KCNIP4: variants seen among roughly 807,000 people sequenced by gnomAD.
KCNIP4 encodes the protein potassium voltage-gated channel interacting protein 4, also known as Kv channel-interacting protein 4.
KCNIP4 carries 12 observed loss-of-function variants against 34.0 expected under a neutral mutation model. The observed-to-expected ratio is 0.35, with a 90% CI of 0.23 to 0.57. The LOEUF (loss-of-function observed/expected upper bound fraction) is 0.57. KCNIP4 is among the 20% of genes least tolerant of loss of function. The pLI is 0.83. For missense variants in KCNIP4, 238 were observed against 311.7 expected, an observed-to-expected ratio of 0.76 and a Z score of 1.78; for synonymous variants, 124 against 102.2, an observed-to-expected ratio of 1.21 and a Z score of -1.29.
chr4:21,009,244 A>G (rs957479646), intron 1 of KCNIP4, among the ~76,000 whole-genome samples: 2 of 152,224 alleles, frequency 1.3e-5, no homozygotes, highest in Non-Finnish European at 2.9e-5. Flanking sequence ...TGTTCTGGGA[A>G]TAGCAAAAGG....
intron 3 of KCNIP4, among the ~76,000 whole-genome samples, chr4:20,792,112 G>A (rs576011583): frequency 2.0e-5 from 3 of 152,288 alleles, no homozygotes; most frequent in South Asian, 4.2e-4. Context: ...AATGGCTCAC[G>A]CCTATAATCC....
intron 1 of KCNIP4, among the ~76,000 whole-genome samples, chr4:21,352,569 G>C (rs1718121935): frequency 1.3e-5 from 2 of 152,222 alleles, no homozygotes; most frequent in Non-Finnish European, 2.9e-5. Flanking sequence ...CAGCCTGGCA[G>C]GGGGAGGGAT....
At chr4:21,262,437 C>T (rs910067890) in intron 1 of KCNIP4, among the ~76,000 whole-genome samples, 2 of 152,140 alleles carry the variant, frequency 1.3e-5, no homozygotes, top group Non-Finnish European at 2.9e-5. Context: ...ATTTGTATCC[C>T]GCTTCACCCC....
At chr4:20,769,355 G>A (rs1755676429) in intron 3 of KCNIP4, among the ~76,000 whole-genome samples, 1 of 152,092 alleles carries the variant, frequency 6.6e-6, no homozygotes, top group Non-Finnish European at 1.5e-5. Flanking sequence ...CTGGGATTGG[G>A]CCCAATTCCT....
chr4:21,518,700 C>G (rs1560478464), intron 1 of KCNIP4, among the ~76,000 whole-genome samples: 1 of 152,064 alleles, frequency 6.6e-6, no homozygotes, highest in Non-Finnish European at 1.5e-5. Context: ...TGAAATTACA[C>G]AATTGAATCC....
intron 1 of KCNIP4, among the ~76,000 whole-genome samples, chr4:21,910,233 C>T (rs535274276): frequency 6.6e-6 from 1 of 152,106 alleles, no homozygotes; most frequent in Non-Finnish European, 1.5e-5. Flanking sequence ...GCCAGCAGGA[C>T]AGCCAGCTGG....
rs377562727 is a variant in KCNIP4 at position 21,147,939 on chromosome 4, C to CAAAAAAAAAAAAAAAAAAAAA, written c.62-265251_62-265231dup. Among the ~76,000 whole-genome samples the CAAAAAAAAAAAAAAAAAAAAA allele has an allele frequency of 1.6e-3, 50 of 30,988 alleles. 1 individual carries two copies. Among genetic ancestry groups the CAAAAAAAAAAAAAAAAAAAAA allele is most frequent in the East Asian group, 2.9e-3 (3 of 1,030 alleles). 20.3% of individuals were successfully genotyped at this position (30,988 alleles called of 152,430 possible). A position where few individuals can be genotyped will look rare whatever the true frequency, so the allele number is the denominator to read the frequency against. On this transcript the variant is annotated intron_variant, in intron 1 of 8. Transcript: ENST00000382152. ...GGACAACAAAAGTGAAACTCCGTCT[C>CAAAAAAAAAAAAAAAAAAAAA]AAAAAAAAAAAAAAAAAAAAAGAAA... is the stretch of plus-strand genomic sequence containing the variant.
In KCNIP4 at chr4:20,960,207, G is replaced by A. The variant is rs141434276; in HGVS notation, c.62-77498C>T. 3.2e-3 allele frequency among the ~76,000 whole-genome samples: 484 copies of A among 152,286 alleles called. 3 individuals are homozygous for A. The highest frequency in any genetic ancestry group is 0.011 in the African/African-American group (452 of 41,556). On this transcript the variant is annotated intron_variant, in intron 1 of 8. Transcript: ENST00000382152. Reference sequence around the variant, plus strand: ...GAATGCCCCCTTGTCCCAAATTGGAGTGTCTTCAATAAGCCTCCCCTTATT... The same window carrying A: ...GAATGCCCCCTTGTCCCAAATTGGAATGTCTTCAATAAGCCTCCCCTTATT...
chr4:21,830,906 G>C (rs187469518), intron 1 of KCNIP4, among the ~76,000 whole-genome samples: 1 of 152,038 alleles, frequency 6.6e-6, no homozygotes, highest in African/African-American at 2.4e-5. Context: ...CATATGTTAC[G>C]TCCCAAAAGA....
At chr4:21,930,215 C>T (rs1365664335) in intron 1 of KCNIP4, among the ~76,000 whole-genome samples, 2 of 152,100 alleles carry the variant, frequency 1.3e-5, no homozygotes, top group Non-Finnish European at 2.9e-5. Flanking sequence ...ATGGGGAAAA[C>T]TTCTCTACTC....
chr4:21,340,480 G>A (rs568923831), intron 1 of KCNIP4, among the ~76,000 whole-genome samples: 2 of 152,152 alleles, frequency 1.3e-5, no homozygotes, highest in Non-Finnish European at 1.5e-5. Context: ...GATTTGTTCT[G>A]ATATGTATAG....
At chr4:21,551,092 G>A (rs1738542627) in intron 1 of KCNIP4, among the ~76,000 whole-genome samples, 1 of 152,010 alleles carries the variant, frequency 6.6e-6, no homozygotes, top group African/African-American at 2.4e-5. Flanking sequence ...CTATATATAA[G>A]AGAGAAAAAT....
At chr4:20,924,550 G>A (rs1247669177) in intron 1 of KCNIP4, among the ~76,000 whole-genome samples, 1 of 151,938 alleles carries the variant, frequency 6.6e-6, no homozygotes, top group Non-Finnish European at 1.5e-5. Flanking sequence ...TCTAGCACAA[G>A]CCCGGAACAT....
chr4:21,105,224 A>G (rs1246897186), intron 1 of KCNIP4, among the ~76,000 whole-genome samples: 1 of 151,638 alleles, frequency 6.6e-6, no homozygotes, highest in Non-Finnish European at 1.5e-5. Context: ...CTTCCTACCC[A>G]TGAGCATGGA....
At chr4:20,894,433 C>T (rs374404618) in intron 1 of KCNIP4, among the ~76,000 whole-genome samples, 1 of 152,174 alleles carries the variant, frequency 6.6e-6, no homozygotes, top group African/African-American at 2.4e-5. Flanking sequence ...ATTGTCTAGG[C>T]TACTCTGTTC....
intron 1 of KCNIP4, among the ~76,000 whole-genome samples, chr4:21,007,458 T>C (rs1738671408): frequency 6.6e-6 from 1 of 152,206 alleles, no homozygotes; most frequent in African/African-American, 2.4e-5. Flanking sequence ...AGATAGACTA[T>C]TGTCACCCTG....
At chr4:20,894,766 TAACAATAGAACAAGAAATGAATTA>T (rs1322027494) in intron 1 of KCNIP4, among the ~76,000 whole-genome samples, 1 of 152,112 alleles carries the variant, frequency 6.6e-6, no homozygotes, top group Non-Finnish European at 1.5e-5. Context: ...GGGGAAGGAT[TAACAATAGAACAAGAAATGAATTA>T]AACAATAGAA....
chr4:21,299,074 C>A (rs144918934), intron 1 of KCNIP4, among the ~76,000 whole-genome samples: 2 of 151,808 alleles, frequency 1.3e-5, no homozygotes, highest in African/African-American at 4.8e-5. Flanking sequence ...ATATCTAAAG[C>A]GTAAGTGATT....
chr4:21,792,196 C>G (rs1720340288), intron 1 of KCNIP4, among the ~76,000 whole-genome samples: 1 of 151,746 alleles, frequency 6.6e-6, no homozygotes, highest in African/African-American at 2.4e-5. Flanking sequence ...CCGTATCTGT[C>G]TTATCCCCCT....
Sources: allele counts gnomAD v4.1 joint callset (sites outside exome capture counted in the v4.1 genomes callset), GRCh38; gene constraint gnomAD v4.1.1; transcripts MANE v1.5; gene names NCBI Gene and HGNC (gene_info 2026-07-23, HGNC 2026-07-21).